The following DNMT3A variants were observed in gnomAD, a reference collection of about 807,000 sequenced individuals.
DNMT3A encodes the protein DNA methyltransferase 3 alpha.
A neutral mutation model predicts 117.6 loss-of-function variants in DNMT3A; 267 were observed. The ratio of observed to expected loss-of-function variants is 2.27; its 90% CI spans 2.05 to 2.51. The LOEUF (loss-of-function observed/expected upper bound fraction) is 2.51. DNMT3A is among the 30% of genes most tolerant of loss of function. The probability of loss-of-function intolerance (pLI) is 0.00; values close to 1 mark genes in which losing one functional copy is unlikely to be tolerated. For missense variants in DNMT3A, 1,029 were observed against 1,260.2 expected, an observed-to-expected ratio of 0.82 and a Z score of 2.78; for synonymous variants, 432 against 474.8, an observed-to-expected ratio of 0.91 and a Z score of 1.17.
intron 1 of DNMT3A, among the ~76,000 whole-genome samples, chr2:25,320,960 C>T (rs1336730745): frequency 6.6e-5 from 10 of 152,042 alleles, no homozygotes; most frequent in Admixed American, 6.5e-4. Flanking sequence ...GGAGAAACTC[C>T]GTCTCTACTA....
rs755832478 is a variant in DNMT3A, at chr2:25,247,613, AACC to A, written c.989_991del (p.Trp330del). On this transcript the variant is annotated inframe_deletion, in exon 8 of 23. Transcript: ENST00000321117. The surrounding 1 kb of genome is among the most constrained non-coding windows in gnomAD (Gnocchi z 5.6). ...TACCACTGAGAATTTGCCGTCTCCG[AACC>A]ACATGACCCAGCGGGTGCCTTCAGC... is the stretch of plus-strand genomic sequence containing the variant. 1 of 1,613,960 alleles carries A rather than the reference AACC, an allele frequency of 6.2e-7. No individual in the cohort carries two copies. Among genetic ancestry groups the A allele is most frequent in the East Asian group, 2.2e-5 (1 of 44,862 alleles).
Position 25,313,997 on chromosome 2 carries a change from A to G in DNMT3A, c.-13T>C. 6.5e-7 allele frequency: 1 copy of G among 1,539,718 alleles called. No individual in the cohort carries two copies. Among genetic ancestry groups the G allele is most frequent in the Non-Finnish European group, 8.8e-7 (1 of 1,141,266 alleles). ...GCATGGCGGGCATCTGGGCGCCGGG[A>G]GGCAGGCTGGGGCTGCGCGGGGCTG... is the stretch of plus-strand genomic sequence containing the variant. On this transcript the variant is annotated 5_prime_UTR_variant, in exon 2 of 23. Coordinates refer to ENST00000321117, the MANE Select transcript of DNMT3A (RefSeq NM_022552.5).
intron 1 of DNMT3A, among the ~76,000 whole-genome samples, chr2:25,325,147 G>A (rs1302706037): frequency 6.6e-6 from 1 of 152,110 alleles, no homozygotes; most frequent in Admixed American, 6.5e-5. Context: ...GAGCGGGGGG[G>A]GGATTTATAC....
intron 6 of DNMT3A, among the ~76,000 whole-genome samples, chr2:25,265,158 G>T (rs1277832599): frequency 6.6e-6 from 1 of 152,190 alleles, no homozygotes; most frequent in East Asian, 1.9e-4. Flanking sequence ...CAAGGGTTCA[G>T]GACCACATGA....
At chr2:25,335,950 G>A (rs1017539343) in intron 1 of DNMT3A, among the ~76,000 whole-genome samples, 1 of 151,674 alleles carries the variant, frequency 6.6e-6, no homozygotes, top group African/African-American at 2.4e-5. Flanking sequence ...ACATAGAGCT[G>A]CTGCTGAAAA....
At chr2:25,251,978 T>A in intron 6 of DNMT3A, 1 of 559,554 alleles carries the variant, frequency 1.8e-6, no homozygotes, top group Non-Finnish European at 3.0e-6. Flanking sequence ...ACTGGAGCCC[T>A]CGAGGAGTGG....
chr2:25,302,222 G>A (rs1027241668), intron 2 of DNMT3A, among the ~76,000 whole-genome samples: 6 of 152,140 alleles, frequency 3.9e-5, no homozygotes, highest in Non-Finnish European at 7.3e-5. Flanking sequence ...AGGTGCAGAA[G>A]AGGACCCTGG....
At chr2:25,295,832 A>G (rs1337435155) in intron 3 of DNMT3A, among the ~76,000 whole-genome samples, 1 of 152,252 alleles carries the variant, frequency 6.6e-6, no homozygotes, top group Non-Finnish European at 1.5e-5. Flanking sequence ...CTTTGTAGGC[A>G]GTAACATGCT....
intron 6 of DNMT3A, among the ~76,000 whole-genome samples, chr2:25,265,007 GAA>G (rs1490680837): frequency 6.6e-6 from 1 of 152,188 alleles, no homozygotes; most frequent in African/African-American, 2.4e-5. Flanking sequence ...GCCGAAAGCA[GAA>G]AGACCTCCTC....
chr2:25,274,919 C>A, intron 6 of DNMT3A, 22 bp downstream of exon 6: 1 of 1,598,732 alleles, frequency 6.3e-7, no homozygotes, highest in Non-Finnish European at 8.6e-7. Context: ...CGGGCTGGGG[C>A]CCAGGCCAGA....
chr2:25,291,165 G>A (rs766603267), intron 3 of DNMT3A, among the ~76,000 whole-genome samples: 3 of 152,172 alleles, frequency 2.0e-5, no homozygotes, highest in African/African-American at 4.8e-5. Context: ...GCAACTCCTC[G>A]CTCCTTCCAG....
intron 2 of DNMT3A, among the ~76,000 whole-genome samples, chr2:25,307,096 C>G (rs2033819750): frequency 6.6e-6 from 1 of 152,244 alleles, no homozygotes; most frequent in Non-Finnish European, 1.5e-5. Flanking sequence ...CGCCCCCTAA[C>G]TAATCATGAT....
intron 2 of DNMT3A, among the ~76,000 whole-genome samples, chr2:25,308,968 TACACAC>T (rs10628428): frequency 1.0e-4 from 15 of 144,126 alleles, no homozygotes; most frequent in African/African-American, 2.6e-4. Context: ...CACAGATGCA[TACACAC>T]ACACACACAC....
In DNMT3A at chr2:25,240,333, C is replaced by CT; in HGVS notation, c.2290dup (p.Ser764LysfsTer2). On this transcript the variant is annotated frameshift_variant, in exon 19 of 23. Transcript: ENST00000321117. LOFTEE classifies it high-confidence loss of function. ...AAATCGCGAGATGTCCCTCTTGTCACTAACGCCCATGGCCACCACATTCTC... is the reference window on the plus strand; with the variant it reads ...AAATCGCGAGATGTCCCTCTTGTCACTTAACGCCCATGGCCACCACATTCTC... 1 of 1,614,270 alleles carries CT rather than the reference C, an allele frequency of 6.2e-7. No homozygotes were observed. Among genetic ancestry groups the CT allele is most frequent in the Non-Finnish European group, 8.5e-7 (1 of 1,180,054 alleles).
chr2:25,336,713 C>T (rs578099507), intron 1 of DNMT3A, among the ~76,000 whole-genome samples: 13 of 152,114 alleles, frequency 8.5e-5, no homozygotes, highest in Middle Eastern at 3.4e-3. Flanking sequence ...AGAGGAGTTC[C>T]GGAGTGCAGG....
At chr2:25,261,723 A>C (rs897273344) in intron 6 of DNMT3A, among the ~76,000 whole-genome samples, 3 of 152,140 alleles carry the variant, frequency 2.0e-5, no homozygotes, top group African/African-American at 7.2e-5. Flanking sequence ...TGGTTCAGGA[A>C]ATCCTCCTGG....
intron 6 of DNMT3A, chr2:25,249,832 C>T: frequency 6.9e-6 from 9 of 1,295,454 alleles, no homozygotes; most frequent in Middle Eastern, 1.8e-4. Flanking sequence ...CCCATTTCCA[C>T]CATACCAGAT....
At chr2:25,323,674 C>G (rs1310141617) in intron 1 of DNMT3A, among the ~76,000 whole-genome samples, 3 of 152,228 alleles carry the variant, frequency 2.0e-5, no homozygotes, top group Non-Finnish European at 4.4e-5. Flanking sequence ...TCAGATTCAA[C>G]CAGCCCGCAG....
chr2:25,319,017 CT>C (rs567787303), intron 1 of DNMT3A, among the ~76,000 whole-genome samples: 268 of 103,246 alleles, frequency 2.6e-3, no homozygotes, highest in Middle Eastern at 9.3e-3. Flanking sequence ...TTCTTTCTTT[CT>C]TTTTTTTTTT....
Sources: gnomAD v4.1 joint callset for allele counts (sites outside exome capture counted in the v4.1 genomes callset) on GRCh38, gnomAD v4.1.1 for gene constraint, Gnocchi (gnomAD v3.1) non-coding constraint, MANE v1.5 for transcripts, NCBI Gene and HGNC (gene_info 2026-07-23, HGNC 2026-07-21) for gene names.